CEP85L: variants seen among roughly 807,000 people sequenced by gnomAD.
CEP85L encodes the protein centrosomal protein 85L.
In CEP85L, 60 loss-of-function variants were observed where a neutral mutation model predicts 100.3. The observed-to-expected ratio is 0.60, with a 90% CI of 0.49 to 0.74. CEP85L has a LOEUF of 0.74. Among genes scored for constraint, CEP85L ranks in the 30% least tolerant of loss-of-function variants. The pLI, the probability that CEP85L is intolerant of heterozygous loss-of-function variation, is 0.00. For synonymous variants in CEP85L, 319 were observed against 322.7 expected (o/e 0.99, Z 0.12); for missense variants, 973 against 936.2 (o/e 1.04, Z -0.51).
At chr6:118,619,116 C>G (rs1773270066) in intron 2 of CEP85L, among the ~76,000 whole-genome samples, 1 of 151,594 alleles carries the variant, frequency 6.6e-6, no homozygotes, top group South Asian at 2.1e-4. Flanking sequence ...AGATGAGTCC[C>G]TAAGACTAAC....
chr6:118,510,873 G>C (rs1775925608), intron 5 of CEP85L, among the ~76,000 whole-genome samples: 1 of 152,042 alleles, frequency 6.6e-6, no homozygotes, highest in South Asian at 2.1e-4. Flanking sequence ...AGAAGATCGT[G>C]TAACTGCAAA....
intron 1 of CEP85L, among the ~76,000 whole-genome samples, chr6:118,687,946 C>T (rs1174317497): frequency 6.6e-6 from 1 of 152,162 alleles, no homozygotes; most frequent in African/African-American, 2.4e-5. Context: ...CTGGATTCCA[C>T]AGTTCTCTTC....
chr6:118,627,505 T>C (rs775881701), intron 2 of CEP85L, among the ~76,000 whole-genome samples: 5 of 152,226 alleles, frequency 3.3e-5, no homozygotes, highest in Non-Finnish European at 7.3e-5. Context: ...GGCAAATGCA[T>C]AGAATACTTA....
At chr6:118,507,742 C>A (rs1190536621) in intron 5 of CEP85L, among the ~76,000 whole-genome samples, 1 of 152,180 alleles carries the variant, frequency 6.6e-6, no homozygotes, top group African/African-American at 2.4e-5. Context: ...ATTCCTTCAC[C>A]CCCTTCACCT....
chr6:118,608,412 A>G, intron 2 of CEP85L, among the ~76,000 whole-genome samples: 1 of 151,966 alleles, frequency 6.6e-6, no homozygotes, highest in Non-Finnish European at 1.5e-5. Context: ...GGAGAATGGC[A>G]TGAACCCGGG....
At chr6:118,575,647 G>A (rs1453241341) in intron 2 of CEP85L, among the ~76,000 whole-genome samples, 1 of 152,204 alleles carries the variant, frequency 6.6e-6, no homozygotes, top group Non-Finnish European at 1.5e-5. Context: ...CCAGATGGAA[G>A]GGAAATGTTG....
chr6:118,644,031 A>C (rs964140629), intron 1 of CEP85L, among the ~76,000 whole-genome samples: 2 of 152,234 alleles, frequency 1.3e-5, no homozygotes, highest in East Asian at 3.8e-4. Context: ...GAGCAATTCA[A>C]ACATTTATTA....
In CEP85L at chr6:118,651,231, C is replaced by T. The variant is rs1775534575; in HGVS notation, c.39G>A (p.Arg13=). Residue 13 remains arginine, a synonymous_variant, in exon 1 of 13, where the codon CGG becomes CGA. Coordinates refer to ENST00000368491, the MANE Select transcript of CEP85L (RefSeq NM_001042475.3). The part of the protein sequence containing the change: ...GRFLAPEASG[R]DSPGGARSFP... ...AGCTGCGGGCTCCGCCGGGGCTATCCCGGCCGCTGGCCTCCGGAGCCAGGA... is the reference window on the plus strand; with the variant it reads ...AGCTGCGGGCTCCGCCGGGGCTATCTCGGCCGCTGGCCTCCGGAGCCAGGA... 2 of 1,496,306 alleles carry T rather than the reference C, an allele frequency of 1.3e-6. No individual in the cohort carries two copies. Among genetic ancestry groups the T allele is most frequent in the South Asian group, 2.5e-5 (2 of 80,130 alleles). The allele number at this position is 1,496,306 out of a possible 1,614,324, so 92.7% of individuals were successfully genotyped here.
chr6:118,660,926 CCTG>C (rs1775953131), intron 1 of CEP85L, among the ~76,000 whole-genome samples: 1 of 151,526 alleles, frequency 6.6e-6, no homozygotes, highest in Non-Finnish European at 1.5e-5. Flanking sequence ...CGCACTGTCG[CCTG>C]GACTGGAGTA....
chr6:118,472,776 A>ATT (rs1773063239), intron 10 of CEP85L, among the ~76,000 whole-genome samples: 1 of 152,186 alleles, frequency 6.6e-6, no homozygotes, highest in African/African-American at 2.4e-5. Flanking sequence ...GATTAATAAA[A>ATT]TTAAAAATTA....
At chr6:118,681,702 T>G in intron 1 of CEP85L, among the ~76,000 whole-genome samples, 1 of 151,650 alleles carries the variant, frequency 6.6e-6, no homozygotes, top group Middle Eastern at 3.4e-3. Context: ...TAATTCATTA[T>G]AAATAGATCT....
At chr6:118,580,268 G>A (rs1479414220) in intron 2 of CEP85L, among the ~76,000 whole-genome samples, 4 of 152,082 alleles carry the variant, frequency 2.6e-5, no homozygotes, top group African/African-American at 7.2e-5. Context: ...CCATGTCGTC[G>A]TATTTAAACT....
At chr6:118,497,045 A>G (rs1180691241) in intron 5 of CEP85L, among the ~76,000 whole-genome samples, 3 of 152,196 alleles carry the variant, frequency 2.0e-5, no homozygotes, top group East Asian at 1.9e-4. Context: ...AAAGAATCTG[A>G]GCATTAATTC....
At chr6:118,558,099 A>T (rs1231457068) in intron 3 of CEP85L, among the ~76,000 whole-genome samples, 1 of 151,884 alleles carries the variant, frequency 6.6e-6, no homozygotes, top group Non-Finnish European at 1.5e-5. Context: ...TTACAGGCAC[A>T]TGCCACCAGC....
At chr6:118,676,157 G>C (rs1776475318) in intron 1 of CEP85L, among the ~76,000 whole-genome samples, 1 of 151,954 alleles carries the variant, frequency 6.6e-6, no homozygotes, top group Non-Finnish European at 1.5e-5. Flanking sequence ...ATCATGTTTT[G>C]ATCTATGTAT....
At chr6:118,477,887 TTAATTA>T (rs1447109391) in intron 10 of CEP85L, among the ~76,000 whole-genome samples, 1 of 152,122 alleles carries the variant, frequency 6.6e-6, no homozygotes, top group Non-Finnish European at 1.5e-5. Context: ...TCTGGTATCC[TTAATTA>T]TATAGTGTTT....
chr6:118,675,084 A>G lies in CEP85L; in HGVS notation c.-27-22276T>C, dbSNP rs370330865. ...TGTCTGTCAACTCATAAATGGATAAACAAAGTGTTACACACACACCCACAC... is the reference window on the plus strand; with the variant it reads ...TGTCTGTCAACTCATAAATGGATAAGCAAAGTGTTACACACACACCCACAC... On this transcript the variant is annotated intron_variant, in intron 1 of 13. Coordinates refer to the CEP85L transcript ENST00000368488. Among the ~76,000 whole-genome samples the G allele has an allele frequency of 7.9e-5, 12 of 152,352 alleles. No homozygotes were observed. The East Asian group carries it at 2.1e-3, about 27-fold the overall frequency.
intron 3 of CEP85L, among the ~76,000 whole-genome samples, chr6:118,542,278 G>C (rs997661411): frequency 6.6e-6 from 1 of 152,104 alleles, no homozygotes; most frequent in South Asian, 2.1e-4. Flanking sequence ...AACAGGTAAT[G>C]TTTTAGGGTT....
chr6:118,588,806 G>A (rs1781012495), intron 2 of CEP85L, among the ~76,000 whole-genome samples: 1 of 152,132 alleles, frequency 6.6e-6, no homozygotes, highest in Non-Finnish European at 1.5e-5. Flanking sequence ...ACCACACATG[G>A]ACATGCCATT....
Sources: allele counts gnomAD v4.1 joint callset (sites outside exome capture counted in the v4.1 genomes callset), GRCh38; gene constraint gnomAD v4.1.1; transcripts MANE v1.5; gene names NCBI Gene and HGNC (gene_info 2026-07-23, HGNC 2026-07-21).